CACNA2D3: variants seen among roughly 807,000 people sequenced by gnomAD.
CACNA2D3 encodes calcium voltage-gated channel auxiliary subunit alpha2delta 3.
Under a neutral mutation model 160.6 loss-of-function variants are expected in CACNA2D3, and 60 were observed. The ratio of observed to expected loss-of-function variants is 0.37; its 90% CI spans 0.30 to 0.46. The LOEUF is 0.46. Ranked by LOEUF, CACNA2D3 falls within the 20% of genes least tolerant of loss-of-function variation. The pLI, the probability that CACNA2D3 is intolerant of heterozygous loss-of-function variation, is 1.00. For missense variants in CACNA2D3, 1,205 were observed against 1,365.0 expected (o/e 0.88, Z 1.85); for synonymous variants, 558 against 492.9 (o/e 1.13, Z -1.75).
At chr3:54,248,612 T>C (rs1214930577) in intron 2 of CACNA2D3, among the ~76,000 whole-genome samples, 1 of 151,816 alleles carries the variant, frequency 6.6e-6, no homozygotes, top group Non-Finnish European at 1.5e-5. Context: ...AAAGACCATG[T>C]GAGGACACAG....
chr3:54,765,438 G>T (rs947041581), intron 13 of CACNA2D3, among the ~76,000 whole-genome samples: 6 of 152,200 alleles, frequency 3.9e-5, no homozygotes, highest in African/African-American at 1.4e-4. Context: ...CCGATGCTAG[G>T]GAGACCATGA....
At chr3:54,779,040 T>C (rs1702481633) in intron 13 of CACNA2D3, among the ~76,000 whole-genome samples, 1 of 152,298 alleles carries the variant, frequency 6.6e-6, no homozygotes, top group South Asian at 2.1e-4. Flanking sequence ...ATTGTTAAGA[T>C]AAAATTGATA....
chr3:54,999,682 T>C (rs986260527), intron 31 of CACNA2D3, among the ~76,000 whole-genome samples: 108 of 152,322 alleles, frequency 7.1e-4, no homozygotes, highest in East Asian at 1.3e-3. Context: ...GTTTAATAAA[T>C]GTTGAGCCCC....
intron 11 of CACNA2D3, among the ~76,000 whole-genome samples, chr3:54,749,346 A>AAAAG (rs1701815271): frequency 6.6e-6 from 1 of 152,244 alleles, no homozygotes; most frequent in African/African-American, 2.4e-5. Context: ...CTTAGAATTT[A>AAAAG]ACAGTTTTTG....
intron 11 of CACNA2D3, among the ~76,000 whole-genome samples, chr3:54,642,476 A>G (rs556183391): frequency 2.7e-4 from 41 of 152,330 alleles, no homozygotes; most frequent in African/African-American, 9.1e-4. Context: ...GTATTCTGTG[A>G]AAAGATTCAT....
chr3:54,553,484 C>G (rs1702192584), intron 5 of CACNA2D3, among the ~76,000 whole-genome samples: 1 of 152,192 alleles, frequency 6.6e-6, no homozygotes, highest in East Asian at 1.9e-4. Context: ...TTAGGAAAGA[C>G]AGAGATCCTT....
intron 36 of CACNA2D3, 54 bp downstream of exon 36, chr3:55,073,611 C>CAGTGGTAAG: frequency 7.0e-7 from 1 of 1,426,108 alleles, no homozygotes; most frequent in Non-Finnish European, 9.9e-7. Context: ...TAAGGGGTAT[C>CAGTGGTAAG]AGTGGTAAGG....
chr3:54,247,673 T>A (rs1228110951), intron 2 of CACNA2D3, among the ~76,000 whole-genome samples: 1 of 152,178 alleles, frequency 6.6e-6, no homozygotes, highest in African/African-American at 2.4e-5. Context: ...GAGCTTGACA[T>A]ATGACTACTA....
intron 27 of CACNA2D3, among the ~76,000 whole-genome samples, chr3:54,947,165 A>G (rs1701637128): frequency 6.6e-6 from 1 of 152,190 alleles, no homozygotes; most frequent in Admixed American, 6.5e-5. Context: ...TCATAATCTT[A>G]AAGACTGAGC....
At chr3:54,723,884 G>A (rs568679127) in intron 11 of CACNA2D3, among the ~76,000 whole-genome samples, 2 of 152,276 alleles carry the variant, frequency 1.3e-5, no homozygotes, top group East Asian at 3.9e-4. Context: ...CAACCAGCTA[G>A]CATCATAATG....
intron 11 of CACNA2D3, among the ~76,000 whole-genome samples, chr3:54,706,394 A>G (rs1015395594): frequency 2.0e-5 from 3 of 152,220 alleles, no homozygotes; most frequent in African/African-American, 4.8e-5. Flanking sequence ...CACCATGCCA[A>G]TGCTTGCCTA....
At chr3:54,887,898 T>C in intron 23 of CACNA2D3, 61 bp from the exon 24 acceptor site, 2 of 1,246,408 alleles carry the variant, frequency 1.6e-6, no homozygotes, top group Non-Finnish European at 2.4e-6. Flanking sequence ...AGCCCATGAG[T>C]GCCTCTCATG....
At chr3:55,004,881 G>A in intron 32 of CACNA2D3, 43 bp downstream of exon 32, 2 of 1,350,640 alleles carry the variant, frequency 1.5e-6, no homozygotes, top group African/African-American at 2.9e-5. Flanking sequence ...ACACATTTCT[G>A]TCTTTCTCCC....
At chr3:54,300,978 A>C (rs1703462676) in intron 2 of CACNA2D3, among the ~76,000 whole-genome samples, 1 of 151,608 alleles carries the variant, frequency 6.6e-6, no homozygotes, top group African/African-American at 2.4e-5. Context: ...CTGTTATTGT[A>C]CCACTACACT....
chr3:54,257,087 G>T (rs1370673111), intron 2 of CACNA2D3, among the ~76,000 whole-genome samples: 2 of 152,182 alleles, frequency 1.3e-5, no homozygotes, highest in African/African-American at 4.8e-5. Context: ...AATATTAGCT[G>T]TTTCACTTGC....
intron 35 of CACNA2D3, among the ~76,000 whole-genome samples, chr3:55,067,581 G>A (rs1357902669): frequency 6.6e-6 from 1 of 152,136 alleles, no homozygotes; most frequent in Non-Finnish European, 1.5e-5. Context: ...TCCTTGTAGA[G>A]AACTTCAGGG....
intron 5 of CACNA2D3, among the ~76,000 whole-genome samples, chr3:54,507,157 C>T (rs1222412027): frequency 6.6e-6 from 1 of 152,066 alleles, no homozygotes; most frequent in African/African-American, 2.4e-5. Context: ...TTCCATTTTC[C>T]ACCTCTGTCC....
intron 2 of CACNA2D3, among the ~76,000 whole-genome samples, chr3:54,149,914 TCTCTCTCTCTCTCTCTCCCTCC>T (rs1474968339): frequency 2.5e-4 from 23 of 93,112 alleles, no homozygotes; most frequent in Admixed American, 9.3e-4. Flanking sequence ...TCTCTCTCTC[TCTCTCTCTCTCTCTCTCCCTCC>T]CTCCCTCCCT....
At chr3:54,301,637 T>G (rs1703478739) in intron 2 of CACNA2D3, among the ~76,000 whole-genome samples, 1 of 152,208 alleles carries the variant, frequency 6.6e-6, no homozygotes, top group Non-Finnish European at 1.5e-5. Context: ...TCCTACCTAT[T>G]GAAATAGTCC....
Sources: allele counts gnomAD v4.1 joint callset (sites outside exome capture counted in the v4.1 genomes callset), GRCh38; gene constraint gnomAD v4.1.1; transcripts MANE v1.5; gene names NCBI Gene and HGNC (gene_info 2026-07-23, HGNC 2026-07-21).